DLGAP2: variants seen among roughly 807,000 people sequenced by gnomAD.
DLGAP2 encodes disks large-associated protein 2.
A neutral mutation model predicts 100.3 loss-of-function variants in DLGAP2; 26 were observed. The ratio of observed to expected loss-of-function variants is 0.26; its 90% CI spans 0.19 to 0.36. The LOEUF (loss-of-function observed/expected upper bound fraction) is 0.36. Among genes scored for constraint, DLGAP2 ranks in the 10% least tolerant of loss-of-function variants. DLGAP2 has a pLI of 1.00. For synonymous variants in DLGAP2, 886 were observed against 630.1 expected (o/e 1.41, Z -6.08); for missense variants, 1,858 against 1,453.2 (o/e 1.28, Z -4.53).
At chr8:1,340,929 G>T (rs1801403005) in intron 3 of DLGAP2, among the ~76,000 whole-genome samples, 1 of 152,184 alleles carries the variant, frequency 6.6e-6, no homozygotes, top group Non-Finnish European at 1.5e-5. Context: ...CATGTCTTTT[G>T]CAGGGATATG....
intron 2 of DLGAP2, among the ~76,000 whole-genome samples, chr8:944,682 G>A (rs1266086502): frequency 6.6e-6 from 1 of 152,054 alleles, no homozygotes; most frequent in Admixed American, 6.5e-5. Context: ...CCCTGCGGGT[G>A]ATCCAGTGGT....
chr8:1,343,592 C>T (rs865848085), intron 3 of DLGAP2, among the ~76,000 whole-genome samples: 20 of 152,234 alleles, frequency 1.3e-4, no homozygotes, highest in Middle Eastern at 6.3e-3. Context: ...CCAGAACTTT[C>T]TTGGAAATAT....
chr8:1,181,934 A>G (rs908586049), intron 2 of DLGAP2, among the ~76,000 whole-genome samples: 5 of 152,298 alleles, frequency 3.3e-5, no homozygotes, highest in African/African-American at 1.2e-4. Context: ...TGAACCGTTG[A>G]TAGACAATAA....
intron 3 of DLGAP2, among the ~76,000 whole-genome samples, chr8:1,322,760 C>G (rs1387930419): frequency 1.3e-5 from 2 of 152,248 alleles, no homozygotes; most frequent in Non-Finnish European, 2.9e-5. Flanking sequence ...AAACATAGAT[C>G]AGATCGGCTC....
intron 12 of DLGAP2, among the ~76,000 whole-genome samples, chr8:1,688,030 T>C (rs1446336429): frequency 6.6e-6 from 1 of 152,124 alleles, no homozygotes; most frequent in Non-Finnish European, 1.5e-5. Flanking sequence ...TTGGGGGCAG[T>C]GGAATGCACA....
At chr8:1,013,482 C>T (rs1245047588) in intron 2 of DLGAP2, among the ~76,000 whole-genome samples, 2 of 152,068 alleles carry the variant, frequency 1.3e-5, no homozygotes, top group African/African-American at 4.8e-5. Context: ...CAGCCTTTCC[C>T]AGGACGGGCA....
intron 2 of DLGAP2, among the ~76,000 whole-genome samples, chr8:1,254,964 TCTCATCCTGTCCGG>T (rs1585196370): frequency 1.4e-5 from 2 of 144,650 alleles, no homozygotes; most frequent in African/African-American, 2.8e-5. Flanking sequence ...GTGTGTGTCC[TCTCATCCTGTCCGG>T]GTGCTGTGTG....
chr8:1,044,405 TGGCTGCACA>T (rs1262276443), intron 2 of DLGAP2, among the ~76,000 whole-genome samples: 12 of 152,196 alleles, frequency 7.9e-5, no homozygotes, highest in Non-Finnish European at 2.9e-5. Context: ...CCTGCCCAGG[TGGCTGCACA>T]GGCTGGAGGG....
intron 2 of DLGAP2, among the ~76,000 whole-genome samples, chr8:1,199,083 C>T (rs1797814520): frequency 6.6e-6 from 1 of 152,236 alleles, no homozygotes; most frequent in Admixed American, 6.5e-5. Context: ...TAGAAAGGAT[C>T]TAAGTCATCT....
At chr8:1,287,633 AGTGT>A (rs782499346) in intron 3 of DLGAP2, among the ~76,000 whole-genome samples, 2,116 of 69,536 alleles carry the variant, frequency 0.03, 171 homozygotes, top group Non-Finnish European at 0.036. Flanking sequence ...GTTTCGGTTG[AGTGT>A]GTGTGTGTGT....
chr8:1,664,380 AG>A (rs1378104842), intron 8 of DLGAP2, among the ~76,000 whole-genome samples: 1 of 152,038 alleles, frequency 6.6e-6, no homozygotes, highest in Non-Finnish European at 1.5e-5. Flanking sequence ...GCTCACCCCC[AG>A]GAAGCTTCTT....
intron 2 of DLGAP2, among the ~76,000 whole-genome samples, chr8:1,178,193 T>C (rs1179024888): frequency 6.6e-6 from 1 of 152,144 alleles, no homozygotes; most frequent in Non-Finnish European, 1.5e-5. Flanking sequence ...AGGAAGATAG[T>C]AGTTAAATGT....
chr8:1,307,884 G>T (rs117398620), intron 3 of DLGAP2, among the ~76,000 whole-genome samples: 1 of 152,158 alleles, frequency 6.6e-6, no homozygotes, highest in Non-Finnish European at 1.5e-5. Flanking sequence ...GGAGAACTAG[G>T]TAGTTAGAAA....
chr8:801,416 C>G (rs1466079598), intron 1 of DLGAP2, among the ~76,000 whole-genome samples: 1 of 152,228 alleles, frequency 6.6e-6, no homozygotes, highest in Non-Finnish European at 1.5e-5. Flanking sequence ...GGGCCCCACT[C>G]TTATGCTAAA....
At chr8:1,507,274 G>C (rs1005915543) in intron 4 of DLGAP2, among the ~76,000 whole-genome samples, 2 of 152,354 alleles carry the variant, frequency 1.3e-5, no homozygotes, top group Admixed American at 6.5e-5. Flanking sequence ...CAGGCATGGC[G>C]GGCTGCAGGT....
At chr8:1,258,480 T>A (rs1011768276) in intron 2 of DLGAP2, among the ~76,000 whole-genome samples, 13 of 151,858 alleles carry the variant, frequency 8.6e-5, no homozygotes, top group Admixed American at 6.6e-5. Context: ...CAAATACCTA[T>A]TGCATGCGGG....
At chr8:1,284,575 C>G (rs1265446619) in intron 3 of DLGAP2, among the ~76,000 whole-genome samples, 3 of 152,152 alleles carry the variant, frequency 2.0e-5, no homozygotes, top group Non-Finnish European at 2.9e-5. Flanking sequence ...TTTTATTGCT[C>G]TTCTGTCCAT....
In DLGAP2 at chr8:1,626,861, C is replaced by T. The variant is rs535219758; in HGVS notation, c.1564C>T (p.Leu522=). ...NQSYMRAVST[L]SQASCVSQVS... is the part of the protein sequence containing the mutation. ...GAGCTACATGAGGGCCGTCAGCACC[C>T]TGAGCCAGGCCAGCTGCGTGAGCCA... The change falls in exon 7 of 15, where the codon CTG becomes TTG. Residue 522 remains leucine (L), a synonymous_variant. Transcript: ENST00000637795. 65 of 1,605,922 alleles carry T rather than the reference C, an allele frequency of 4.0e-5. 1 individual carries two copies. In the African/African-American group the frequency reaches 6.7e-4, roughly 16 times the overall value.
chr8:1,111,674 G>T (rs1037004866), intron 2 of DLGAP2, among the ~76,000 whole-genome samples: 1 of 152,070 alleles, frequency 6.6e-6, no homozygotes, highest in Non-Finnish European at 1.5e-5. Context: ...TTCTCTTCCT[G>T]GGTTAGTTTG....
Sources: allele counts gnomAD v4.1 joint callset (sites outside exome capture counted in the v4.1 genomes callset), GRCh38; gene constraint gnomAD v4.1.1; transcripts MANE v1.5; gene names NCBI Gene and HGNC (gene_info 2026-07-23, HGNC 2026-07-21).